ARID5B: variants seen among roughly 807,000 people sequenced by gnomAD.
ARID5B encodes AT-rich interactive domain-containing protein 5B.
Under a neutral mutation model 97.2 loss-of-function variants are expected in ARID5B, and 13 were observed. The ratio of observed to expected loss-of-function variants is 0.13; its 90% CI spans 0.09 to 0.21. ARID5B has a LOEUF of 0.21. Ranked by LOEUF, ARID5B falls within the 10% of genes least tolerant of loss-of-function variation. ARID5B has a pLI of 1.00. For missense variants in ARID5B, 1,210 were observed against 1,465.3 expected (o/e 0.83, Z 2.84); for synonymous variants, 556 against 570.3 (o/e 0.97, Z 0.36).
chr10:62,091,546 C>A lies in ARID5B; in HGVS notation c.2083C>A (p.Leu695Ile). The change falls in exon 10 of 10, where the codon CTT becomes ATT. Residue 695 changes from leucine to isoleucine, a missense_variant. Physicochemically the swap from Leu to Ile is conservative, Grantham distance 5. Around this residue, in one of 8 missense-constraint regions of ARID5B, gnomAD observed 800 missense variants for 839.1 expected, o/e 0.95. Transcript: ENST00000279873. ...GIMSPLAKKK[L>I]LSQVSGASLS... ...CATGTCCCCACTGGCCAAGAAAAAG[C>A]TTTTGTCCCAAGTGAGTGGGGCCAG... 6 of 1,613,362 alleles carry A rather than the reference C, an allele frequency of 3.7e-6. No homozygotes were observed. The highest frequency in any genetic ancestry group is 5.1e-6 in the Non-Finnish European group (6 of 1,179,770).
chr10:61,977,173 A>G (rs1589242886), intron 3 of ARID5B, among the ~76,000 whole-genome samples: 1 of 152,272 alleles, frequency 6.6e-6, no homozygotes, highest in African/African-American at 2.4e-5. Context: ...CTATGTCCCT[A>G]CAAAGACATG....
At chr10:62,085,951 G>C (rs763706360) in intron 9 of ARID5B, 51 bp downstream of exon 9, 4 of 1,565,822 alleles carry the variant, frequency 2.6e-6, no homozygotes, top group African/African-American at 2.7e-5. Context: ...GTGCTGCCTC[G>C]AGGTCCTTCT....
intron 4 of ARID5B, among the ~76,000 whole-genome samples, chr10:62,022,088 G>GAACTAC (rs1223636906): frequency 6.6e-6 from 1 of 152,114 alleles, no homozygotes; most frequent in Non-Finnish European, 1.5e-5. Flanking sequence ...CTTCTTTACT[G>GAACTAC]AACTACAATT....
chr10:62,037,603 C>T (rs1375453398), intron 4 of ARID5B, among the ~76,000 whole-genome samples: 1 of 152,150 alleles, frequency 6.6e-6, no homozygotes, highest in Admixed American at 6.5e-5. Flanking sequence ...CTTGTGTAAA[C>T]GCCCTGTGCT....
rs1395956758 is a variant in ARID5B, at chr10:61,913,335, GGT to G, written c.276+10923_276+10924del. On this transcript the variant is annotated intron_variant, in intron 2 of 9. Coordinates refer to ENST00000279873, the MANE Select transcript of ARID5B (RefSeq NM_032199.3). ...AACGATGGTCAAGAAGAATTGCCAT[GGT>G]TATTTAAGAGAAAGGCTCATGTCTA... Among the ~76,000 whole-genome samples, 5 of 152,278 alleles carry G rather than the reference GGT, an allele frequency of 3.3e-5. No individual in the cohort carries two copies. The East Asian group carries it at 7.7e-4, about 23-fold the overall frequency.
At chr10:62,053,592 C>T (rs1198880332) in intron 5 of ARID5B, among the ~76,000 whole-genome samples, 1 of 152,176 alleles carries the variant, frequency 6.6e-6, no homozygotes, top group Non-Finnish European at 1.5e-5. Flanking sequence ...GAACCTGAGG[C>T]CCAGGCCTTT....
intron 2 of ARID5B, among the ~76,000 whole-genome samples, chr10:61,909,111 A>G (rs1483947019): frequency 6.6e-6 from 1 of 152,130 alleles, no homozygotes; most frequent in East Asian, 1.9e-4. Context: ...ACAGACAAAA[A>G]TCACTGCTCC....
chr10:62,026,109 C>T (rs1839417669), intron 4 of ARID5B, among the ~76,000 whole-genome samples: 1 of 152,192 alleles, frequency 6.6e-6, no homozygotes, highest in Non-Finnish European at 1.5e-5. Flanking sequence ...ATTCCAAGTG[C>T]CTTTTCCATG....
intron 8 of ARID5B, among the ~76,000 whole-genome samples, chr10:62,079,585 T>C (rs1000113853): frequency 2.0e-5 from 3 of 152,208 alleles, no homozygotes. Flanking sequence ...TCAGGAAAGC[T>C]GTCATCCTTG....
At chr10:61,936,667 A>G (rs1406336337) in intron 2 of ARID5B, among the ~76,000 whole-genome samples, 1 of 152,194 alleles carries the variant, frequency 6.6e-6, no homozygotes, top group Non-Finnish European at 1.5e-5. Flanking sequence ...TGAACCATCT[A>G]AAATCATCTC....
At position 62,091,283 on chromosome 10, in the gene ARID5B, A is replaced by T. The variant is rs764346224; in HGVS notation, c.1820A>T (p.Asn607Ile). The change falls in exon 10 of 10, where the codon AAC becomes ATC. Residue 607 changes from asparagine (N) to isoleucine (I), a missense_variant. Coordinates refer to ENST00000279873, the MANE Select transcript of ARID5B (RefSeq NM_032199.3). ...SFPTTQPPLA[N>I]QNETEDDKLP... ...CCCACCACACAGCCACCGCTGGCAA[A>T]CCAGAATGAGACGGAGGATGACAAA... The T allele has an allele frequency of 1.2e-6, 2 of 1,614,148 alleles. No individual in the cohort carries two copies. The highest frequency in any genetic ancestry group is 1.7e-6 in the Non-Finnish European group (2 of 1,180,002).
At chr10:61,941,297 CTT>C (rs1011329966) in intron 3 of ARID5B, among the ~76,000 whole-genome samples, 1 of 143,538 alleles carries the variant, frequency 7.0e-6, no homozygotes, top group Non-Finnish European at 1.5e-5. Flanking sequence ...CCTTTCATTG[CTT>C]TTTTTTTTTC....
At chr10:61,946,027 T>C (rs184996202) in intron 3 of ARID5B, among the ~76,000 whole-genome samples, 1,600 of 148,238 alleles carry the variant, frequency 0.011, 24 homozygotes, top group African/African-American at 0.037. Flanking sequence ...AAATAATAAA[T>C]GTATGTAATA....
intron 4 of ARID5B, among the ~76,000 whole-genome samples, chr10:62,031,097 G>A (rs773056977): frequency 9.2e-5 from 14 of 152,318 alleles, no homozygotes; most frequent in South Asian, 2.1e-4. Flanking sequence ...AGCCTGTCAC[G>A]GTGGTGGATG....
At chr10:62,005,304 T>C (rs925731478) in intron 4 of ARID5B, among the ~76,000 whole-genome samples, 2 of 152,230 alleles carry the variant, frequency 1.3e-5, no homozygotes, top group African/African-American at 4.8e-5. Flanking sequence ...ATAAGGTCCC[T>C]CACTTGCCCC....
chr10:61,983,952 A>G (rs1160301939), intron 3 of ARID5B, among the ~76,000 whole-genome samples: 1 of 22,912 alleles, frequency 4.4e-5, no homozygotes, highest in Non-Finnish European at 1.0e-4. Flanking sequence ...CAGTGGCGCA[A>G]TCTCGGCTCA....
At chr10:61,943,473 C>CT (rs1844448519) in intron 3 of ARID5B, among the ~76,000 whole-genome samples, 3 of 148,776 alleles carry the variant, frequency 2.0e-5, no homozygotes, top group African/African-American at 2.5e-5. Context: ...ATTTGAGGCC[C>CT]CCCCCCTTTT....
intron 2 of ARID5B, among the ~76,000 whole-genome samples, chr10:61,906,656 T>C (rs1589213333): frequency 6.6e-6 from 1 of 152,300 alleles, no homozygotes; most frequent in African/African-American, 2.4e-5. Context: ...CATTCCAGAT[T>C]TCTAAAAGTG....
intron 4 of ARID5B, among the ~76,000 whole-genome samples, chr10:62,046,415 T>A (rs1335781525): frequency 1.3e-5 from 2 of 152,228 alleles, no homozygotes; most frequent in Admixed American, 6.5e-5. Flanking sequence ...ATAAACAAAT[T>A]GTCTGCAACT....
Sources: allele counts gnomAD v4.1 joint callset (sites outside exome capture counted in the v4.1 genomes callset), GRCh38; gene constraint gnomAD v4.1.1; regional missense constraint gnomAD v4.1.1; transcripts MANE v1.5; gene names NCBI Gene and HGNC (gene_info 2026-07-23, HGNC 2026-07-21).